DLC1: variants seen among roughly 807,000 people sequenced by gnomAD.
The protein encoded by DLC1 is DLC1 Rho GTPase activating protein.
DLC1 carries 54 observed loss-of-function variants against 140.3 expected under a neutral mutation model. That is an observed-to-expected ratio of 0.38 (90% CI 0.31 to 0.48). The LOEUF is 0.48. Among genes scored for constraint, DLC1 ranks in the 20% least tolerant of loss-of-function variants. The pLI, the probability that DLC1 is intolerant of heterozygous loss-of-function variation, is 0.96. For missense variants in DLC1, 2,536 were observed against 1,907.0 expected, an observed-to-expected ratio of 1.33 and a Z score of -6.14; for synonymous variants, 986 against 728.1, an observed-to-expected ratio of 1.35 and a Z score of -5.70.
At chr8:13,525,878 T>C (rs1019065567) in intron 1 of DLC1, among the ~76,000 whole-genome samples, 5 of 152,306 alleles carry the variant, frequency 3.3e-5, no homozygotes, top group African/African-American at 1.2e-4. Flanking sequence ...TCTGGTCTCA[T>C]GGCAAAAAGA....
At chr8:13,534,668 G>A (rs917183379) in intron 1 of DLC1, among the ~76,000 whole-genome samples, 16 of 152,278 alleles carry the variant, frequency 1.1e-4, no homozygotes, top group African/African-American at 3.1e-4. Flanking sequence ...AAAATTCACC[G>A]GGTGCTGTTT....
At chr8:13,395,400 A>G (rs889923853) in intron 3 of DLC1, among the ~76,000 whole-genome samples, 11 of 152,106 alleles carry the variant, frequency 7.2e-5, no homozygotes, top group African/African-American at 7.2e-5. Context: ...GATTGCGCGC[A>G]TGAGCCACCG....
At position 13,499,140 on chromosome 8, in the gene DLC1, T is replaced by C. The variant is rs1455416213; in HGVS notation, c.932A>G (p.Lys311Arg). 2 of 1,614,208 alleles carry C rather than the reference T, an allele frequency of 1.2e-6. No individual in the cohort carries two copies. The highest frequency in any genetic ancestry group is 1.1e-5 in the South Asian group (1 of 91,088). Reference protein sequence around the residue: ...QHQNKSPPKVKAEDGMQCLQL... With the variant: ...QHQNKSPPKVRAEDGMQCLQL... ...TAAACACTGCATGCCATCTTCTGCC[T>C]TGACCTTTGGTGGACTTTTGTTTTG... The change falls in exon 2 of 18, where the codon AAG becomes AGG. Residue 311 changes from lysine (K) to arginine (R), a missense_variant. Coordinates refer to ENST00000276297, the MANE Select transcript of DLC1 (RefSeq NM_182643.3).
At chr8:13,535,334 G>A (rs117544646) in intron 1 of DLC1, among the ~76,000 whole-genome samples, 117 of 152,124 alleles carry the variant, frequency 7.7e-4, no homozygotes, top group South Asian at 3.1e-3. Flanking sequence ...GGGGACAGGA[G>A]TGTTACAACC....
chr8:13,532,320 C>T (rs1803126365), intron 1 of DLC1, among the ~76,000 whole-genome samples: 2 of 152,154 alleles, frequency 1.3e-5, no homozygotes, highest in Admixed American at 6.6e-5. Context: ...GGCTTGCTTT[C>T]CCTGATTTCT....
chr8:13,445,608 G>T (rs1049722849), intron 2 of DLC1, among the ~76,000 whole-genome samples: 1 of 152,172 alleles, frequency 6.6e-6, no homozygotes, highest in Non-Finnish European at 1.5e-5. Flanking sequence ...CCACAGTAAT[G>T]AGTGAGGACA....
chr8:13,518,782 A>T (rs1429613433), upstream of DLC1, among the ~76,000 whole-genome samples: 1 of 152,202 alleles, frequency 6.6e-6, no homozygotes. Flanking sequence ...AAATATCTAC[A>T]TGCATACAGT....
chr8:13,566,337 A>G (rs1804426577), intron 1 of DLC1, among the ~76,000 whole-genome samples: 1 of 151,978 alleles, frequency 6.6e-6, no homozygotes, highest in Non-Finnish European at 1.5e-5. Context: ...TTGGAAAATT[A>G]AGGTCCTCCC....
At chr8:13,512,944 T>A (rs1375090115) in intron 1 of DLC1, among the ~76,000 whole-genome samples, 1 of 148,386 alleles carries the variant, frequency 6.7e-6, no homozygotes, top group Non-Finnish European at 1.5e-5. Flanking sequence ...CCCCACATAA[T>A]TAACATTGGT....
intron 4 of DLC1, among the ~76,000 whole-genome samples, chr8:13,352,839 C>T (rs1307405511): frequency 6.6e-6 from 1 of 152,084 alleles, no homozygotes; most frequent in Non-Finnish European, 1.5e-5. Context: ...ATTTACAATA[C>T]TGAATGCACA....
chr8:13,154,401 C>G (rs1308284203), intron 5 of DLC1, among the ~76,000 whole-genome samples: 1 of 152,204 alleles, frequency 6.6e-6, no homozygotes, highest in Non-Finnish European at 1.5e-5. Flanking sequence ...GCCAGCAGTG[C>G]TGGGGGACCC....
chr8:13,172,869 C>A (rs1825560635), intron 5 of DLC1, among the ~76,000 whole-genome samples: 1 of 152,180 alleles, frequency 6.6e-6, no homozygotes, highest in African/African-American at 2.4e-5. Context: ...ATCCCGAGTT[C>A]CTTTTCTGCC....
chr8:13,146,444 TAAC>T (rs369265741), intron 5 of DLC1, among the ~76,000 whole-genome samples: 1 of 152,168 alleles, frequency 6.6e-6, no homozygotes, highest in African/African-American at 2.4e-5. Flanking sequence ...CTAAAAATAA[TAAC>T]TTTTTAATAT....
chr8:13,418,072 T>C (rs1482975093), intron 2 of DLC1, among the ~76,000 whole-genome samples: 1 of 152,206 alleles, frequency 6.6e-6, no homozygotes, highest in Admixed American at 6.5e-5. Flanking sequence ...TTTGTTTTTT[T>C]CTTGTAAATT....
At chr8:13,405,934 TTTC>T (rs1837520252) in intron 2 of DLC1, among the ~76,000 whole-genome samples, 1 of 137,612 alleles carries the variant, frequency 7.3e-6, no homozygotes, top group Non-Finnish European at 1.5e-5. Flanking sequence ...TCTTTCTTTC[TTTC>T]TTTCTTTCTT....
At chr8:13,141,042 GT>G (rs1822944002) in intron 5 of DLC1, among the ~76,000 whole-genome samples, 1 of 147,410 alleles carries the variant, frequency 6.8e-6, no homozygotes, top group South Asian at 2.2e-4. Flanking sequence ...ATCACGTGGG[GT>G]CGGGAGTTCG....
chr8:13,126,606 G>A (rs1821593880), intron 5 of DLC1, among the ~76,000 whole-genome samples: 1 of 151,968 alleles, frequency 6.6e-6, no homozygotes, highest in South Asian at 2.1e-4. Flanking sequence ...TTGGTAAAAT[G>A]AAGCACGTGT....
chr8:13,395,368 G>A (rs752236062), intron 3 of DLC1, among the ~76,000 whole-genome samples: 20 of 152,140 alleles, frequency 1.3e-4, no homozygotes, highest in South Asian at 8.3e-4. Flanking sequence ...TGATCCACCC[G>A]CCTTGGCCTC....
chr8:13,478,058 T>C (rs1800518250), intron 2 of DLC1, among the ~76,000 whole-genome samples: 3 of 152,312 alleles, frequency 2.0e-5, no homozygotes, highest in Admixed American at 6.5e-5. Context: ...ATTAGGTTGT[T>C]CTCGCATTGC....
Sources: allele counts gnomAD v4.1 joint callset (sites outside exome capture counted in the v4.1 genomes callset), GRCh38; gene constraint gnomAD v4.1.1; transcripts MANE v1.5; gene names NCBI Gene and HGNC (gene_info 2026-07-23, HGNC 2026-07-21).